Variants in ROBO2 observed in about 807,000 individuals in gnomAD.
ROBO2 encodes roundabout homolog 2.
Under a neutral mutation model 160.8 loss-of-function variants are expected in ROBO2, and 53 were observed. The ratio of observed to expected loss-of-function variants is 0.33; its 90% CI spans 0.26 to 0.41. The LOEUF (loss-of-function observed/expected upper bound fraction) is 0.41, where lower values mean the gene tolerates loss of function less well. Among genes scored for constraint, ROBO2 ranks in the 10% least tolerant of loss-of-function variants. The pLI is 1.00. For missense variants in ROBO2, 1,577 were observed against 1,722.4 expected (o/e 0.92, Z 1.49); for synonymous variants, 664 against 611.7 (o/e 1.09, Z -1.26).
chr3:76,912,415 A>C (rs946874528), intron 2 of ROBO2, among the ~76,000 whole-genome samples: 1 of 152,240 alleles, frequency 6.6e-6, no homozygotes, highest in Non-Finnish European at 1.5e-5. Flanking sequence ...TAAAAATCAC[A>C]GGGACAACCC....
At chr3:76,421,287 A>C (rs1001680242) in intron 2 of ROBO2, among the ~76,000 whole-genome samples, 1 of 152,214 alleles carries the variant, frequency 6.6e-6, no homozygotes. Context: ...TCTGTGGTGC[A>C]TTTTGTACTC....
intron 1 of ROBO2, among the ~76,000 whole-genome samples, chr3:75,936,952 G>A (rs1947809840): frequency 1.3e-5 from 2 of 151,926 alleles, no homozygotes; most frequent in African/African-American, 4.8e-5. Context: ...AATAAGATTA[G>A]TTTTTGCACA....
intron 2 of ROBO2, among the ~76,000 whole-genome samples, chr3:76,587,300 T>C (rs1259174033): frequency 6.6e-6 from 1 of 152,018 alleles, no homozygotes; most frequent in Non-Finnish European, 1.5e-5. Context: ...GTATCTATAA[T>C]ATATGTGCTC....
chr3:76,814,914 G>A (rs772475199), intron 2 of ROBO2, among the ~76,000 whole-genome samples: 6 of 151,992 alleles, frequency 3.9e-5, no homozygotes, highest in Non-Finnish European at 8.8e-5. Context: ...GAAGTCATTT[G>A]CAAAGGATCT....
At chr3:76,562,843 T>A (rs901111030) in intron 2 of ROBO2, among the ~76,000 whole-genome samples, 2 of 152,200 alleles carry the variant, frequency 1.3e-5, no homozygotes, top group African/African-American at 4.8e-5. Context: ...AATGAATATA[T>A]ATTGTTAATG....
At chr3:76,325,409 A>T (rs551308537) in intron 2 of ROBO2, among the ~76,000 whole-genome samples, 3 of 152,298 alleles carry the variant, frequency 2.0e-5, no homozygotes, top group South Asian at 4.1e-4. Context: ...TGATAAAAGG[A>T]AGTCTGATTA....
At chr3:76,293,790 T>C (rs1004880792) in intron 2 of ROBO2, among the ~76,000 whole-genome samples, 1 of 152,244 alleles carries the variant, frequency 6.6e-6, no homozygotes, top group African/African-American at 2.4e-5. Context: ...ACACATCTTT[T>C]CTTTTGAGAC....
At chr3:76,599,062 A>G (rs964910364) in intron 2 of ROBO2, among the ~76,000 whole-genome samples, 1 of 152,156 alleles carries the variant, frequency 6.6e-6, no homozygotes, top group Non-Finnish European at 1.5e-5. Context: ...ATACATTAAA[A>G]CAAAAATTTA....
At chr3:77,298,781 G>C (rs17015147) in intron 2 of ROBO2, among the ~76,000 whole-genome samples, 20,041 of 152,188 alleles carry the variant, frequency 0.13, 1,444 homozygotes, top group Admixed American at 0.22. Flanking sequence ...TGTGCCTCCT[G>C]TGTGCATGGG....
intron 2 of ROBO2, among the ~76,000 whole-genome samples, chr3:76,999,382 C>T (rs1235865648): frequency 6.6e-6 from 1 of 152,014 alleles, no homozygotes; most frequent in Non-Finnish European, 1.5e-5. Context: ...CTATAAATCC[C>T]TTACTCCAGA....
At chr3:77,223,204 G>A (rs554872244) in intron 2 of ROBO2, among the ~76,000 whole-genome samples, 1 of 152,202 alleles carries the variant, frequency 6.6e-6, no homozygotes, top group African/African-American at 2.4e-5. Flanking sequence ...GAATCATAAA[G>A]AATGAATGTA....
chr3:75,913,548 C>G (rs1946685050), intron 1 of ROBO2, among the ~76,000 whole-genome samples: 1 of 152,156 alleles, frequency 6.6e-6, no homozygotes. Flanking sequence ...TTTCATCTGA[C>G]TGATAACAGC....
intron 2 of ROBO2, among the ~76,000 whole-genome samples, chr3:76,348,278 A>G (rs2074657243): frequency 6.6e-6 from 1 of 152,148 alleles, no homozygotes; most frequent in Non-Finnish European, 1.5e-5. Context: ...TGGGGAGGCA[A>G]GTAATTGTTG....
intron 2 of ROBO2, among the ~76,000 whole-genome samples, chr3:76,588,050 T>C (rs944464899): frequency 1.3e-5 from 2 of 152,226 alleles, no homozygotes; most frequent in African/African-American, 2.4e-5. Flanking sequence ...ATGGGGTGTG[T>C]GTGTTTAAAA....
At chr3:76,683,451 G>T (rs1575941263) in intron 2 of ROBO2, among the ~76,000 whole-genome samples, 1 of 114,804 alleles carries the variant, frequency 8.7e-6, no homozygotes. Flanking sequence ...CTTTTTATAA[G>T]TAACCCCCAC....
chr3:76,777,036 C>T lies in ROBO2; in HGVS notation c.110-320978C>T, dbSNP rs142119671. On this transcript the variant is annotated intron_variant, in intron 2 of 26. Transcript: ENST00000487694. Reference sequence around the variant, plus strand: ...CCACACTAGCATTCCTTTGGTTCTGCAATATAATCCTTAATGTGAAATGAA... The same window carrying T: ...CCACACTAGCATTCCTTTGGTTCTGTAATATAATCCTTAATGTGAAATGAA... Among the ~76,000 whole-genome samples the T allele has an allele frequency of 7.2e-3, 1,086 of 151,050 alleles. 7 individuals are homozygous for T. The highest frequency in any genetic ancestry group is 0.011 in the Non-Finnish European group (747 of 67,300).
At chr3:77,532,999 A>G (rs2091858148) in intron 6 of ROBO2, among the ~76,000 whole-genome samples, 1 of 152,040 alleles carries the variant, frequency 6.6e-6, no homozygotes. Flanking sequence ...GGTTTTTGTT[A>G]AATTTCGTTT....
At chr3:77,121,611 A>T (rs2074779082) in intron 2 of ROBO2, among the ~76,000 whole-genome samples, 1 of 152,070 alleles carries the variant, frequency 6.6e-6, no homozygotes, top group Non-Finnish European at 1.5e-5. Flanking sequence ...TAAATTAATT[A>T]ATATTTTCTG....
chr3:76,621,870 T>C (rs1325506780), intron 2 of ROBO2, among the ~76,000 whole-genome samples: 2 of 152,198 alleles, frequency 1.3e-5, no homozygotes, highest in Admixed American at 1.3e-4. Context: ...AAATTTTAAT[T>C]ATGATGAACT....
Sources: gnomAD v4.1 joint callset for allele counts (sites outside exome capture counted in the v4.1 genomes callset) on GRCh38, gnomAD v4.1.1 for gene constraint, MANE v1.5 for transcripts, NCBI Gene and HGNC (gene_info 2026-07-23, HGNC 2026-07-21) for gene names.